ANKH: variants seen among roughly 807,000 people sequenced by gnomAD.
ANKH encodes mineralization regulator ANKH.
ANKH carries 15 observed loss-of-function variants against 49.0 expected under a neutral mutation model. The observed-to-expected ratio is 0.31, with a 90% CI of 0.20 to 0.47. ANKH has a LOEUF of 0.47. Ranked by LOEUF, ANKH falls within the 20% of genes least tolerant of loss-of-function variation. The pLI is 1.00. For missense variants in ANKH, 429 were observed against 652.0 expected (o/e 0.66, Z 3.72); for synonymous variants, 273 against 260.0 (o/e 1.05, Z -0.48).
chr5:14,756,377 G>C (rs153923), intron 3 of ANKH, among the ~76,000 whole-genome samples: 27,890 of 152,178 alleles, frequency 0.18, 2,744 homozygotes, highest in African/African-American at 0.23. Context: ...CTCACTGACT[G>C]ATTAGGGCCT....
chr5:14,754,147 G>A (rs1195060685), intron 4 of ANKH, among the ~76,000 whole-genome samples: 1 of 152,146 alleles, frequency 6.6e-6, no homozygotes, highest in Non-Finnish European at 1.5e-5. Flanking sequence ...CGGCTTCCAC[G>A]CTCCCACTAA....
At chr5:14,847,013 A>AAAAC (rs1259049866) in intron 1 of ANKH, among the ~76,000 whole-genome samples, 13 of 151,686 alleles carry the variant, frequency 8.6e-5, no homozygotes, top group Non-Finnish European at 1.6e-4. Flanking sequence ...CTCAAAAAAA[A>AAAAC]AAAAAAAAAC....
At chr5:14,742,112 A>G (rs555757662) in intron 7 of ANKH, among the ~76,000 whole-genome samples, 190 bp from the exon 8 acceptor site, 2 of 152,316 alleles carry the variant, frequency 1.3e-5, no homozygotes, top group Admixed American at 6.5e-5. Flanking sequence ...GTACAGGATC[A>G]TTAACCTGAG....
chr5:14,829,224 T>G (rs1187287056), intron 1 of ANKH, among the ~76,000 whole-genome samples: 3 of 147,516 alleles, frequency 2.0e-5, no homozygotes. Context: ...TTTCAAAGCA[T>G]GGACCTCTAC....
chr5:14,774,532 G>A (rs1384744873), intron 1 of ANKH, among the ~76,000 whole-genome samples: 1 of 151,996 alleles, frequency 6.6e-6, no homozygotes, highest in Non-Finnish European at 1.5e-5. Flanking sequence ...CCGCCTCCCA[G>A]GCTCAAGCAA....
intron 2 of ANKH, among the ~76,000 whole-genome samples, chr5:14,762,492 G>T (rs1040519620): frequency 2.0e-5 from 3 of 152,130 alleles, no homozygotes; most frequent in Non-Finnish European, 4.4e-5. Context: ...TTTTATTTCA[G>T]TCTCTTCCTC....
At chr5:14,728,262 G>A (rs73048837) in intron 8 of ANKH, among the ~76,000 whole-genome samples, 11,400 of 152,298 alleles carry the variant, frequency 0.075, 464 homozygotes, top group African/African-American at 0.1. Context: ...GGGACTGTGT[G>A]ACTTGCCCCA....
intron 8 of ANKH, among the ~76,000 whole-genome samples, chr5:14,736,510 G>A (rs1431502768): frequency 6.6e-6 from 1 of 152,118 alleles, no homozygotes; most frequent in African/African-American, 2.4e-5. Context: ...GGGTCCCAAG[G>A]GCTGGGAGGG....
chr5:14,807,388 T>C (rs1740740993), intron 1 of ANKH, among the ~76,000 whole-genome samples: 1 of 152,122 alleles, frequency 6.6e-6, no homozygotes, highest in African/African-American at 2.4e-5. Flanking sequence ...GTGCTGGGAT[T>C]ATAGGCATGA....
At chr5:14,853,844 TG>T (rs1320158883) in intron 1 of ANKH, among the ~76,000 whole-genome samples, 1 of 152,094 alleles carries the variant, frequency 6.6e-6, no homozygotes, top group African/African-American at 2.4e-5. Context: ...CCCTCTAAGG[TG>T]AGTCTACTCC....
intron 8 of ANKH, among the ~76,000 whole-genome samples, chr5:14,735,583 C>G (rs1256271614): frequency 6.6e-6 from 1 of 152,190 alleles, no homozygotes; most frequent in African/African-American, 2.4e-5. Context: ...GTTCTGGAGA[C>G]TGAAATCAAG....
Position 14,710,625 on chromosome 5 carries a change from C to T in ANKH, c.*572G>A, listed in dbSNP as rs547335637. Reference sequence around the variant, plus strand: ...CGTTCCTCAGTGTGAACGGGGACTCCGGGCTGCAGCGTGCCACCCGCCTCC... The same window carrying T: ...CGTTCCTCAGTGTGAACGGGGACTCTGGGCTGCAGCGTGCCACCCGCCTCC... On this transcript the variant is annotated 3_prime_UTR_variant, in exon 12 of 12. Coordinates refer to ENST00000284268, the MANE Select transcript of ANKH (RefSeq NM_054027.6). 78 of 161,174 alleles carry T rather than the reference C, an allele frequency of 4.8e-4. No homozygotes were observed. In the East Asian group the frequency reaches 7.8e-3, roughly 16 times the overall value. The allele number at this position is 161,174 out of a possible 1,614,324, so 10.0% of individuals were successfully genotyped here.
intron 1 of ANKH, among the ~76,000 whole-genome samples, chr5:14,826,367 T>A (rs1237544286): frequency 1.3e-5 from 2 of 152,220 alleles, no homozygotes; most frequent in Non-Finnish European, 2.9e-5. Context: ...CCAAATCTTG[T>A]CAGATTACAG....
chr5:14,711,982 A>G (rs1424496991), intron 11 of ANKH, among the ~76,000 whole-genome samples: 4 of 151,744 alleles, frequency 2.6e-5, no homozygotes, highest in African/African-American at 7.3e-5. Context: ...GATCCCACCA[A>G]CCCTTCATTG....
intron 1 of ANKH, among the ~76,000 whole-genome samples, chr5:14,831,317 T>C (rs10474705): frequency 0.12 from 18,073 of 152,192 alleles, 1,487 homozygotes; most frequent in East Asian, 0.44. Flanking sequence ...GCTACTTAGG[T>C]GAAAAACTGC....
At chr5:14,842,040 T>C (rs1272236172) in intron 1 of ANKH, among the ~76,000 whole-genome samples, 2 of 152,080 alleles carry the variant, frequency 1.3e-5, no homozygotes, top group Admixed American at 6.6e-5. Flanking sequence ...CTTGAGCAAT[T>C]TGTACCACAA....
chr5:14,717,484 T>C (rs1737514150), intron 8 of ANKH, among the ~76,000 whole-genome samples: 1 of 152,172 alleles, frequency 6.6e-6, no homozygotes. Context: ...TCTCCCCACC[T>C]CCCTTCCCCA....
intron 1 of ANKH, among the ~76,000 whole-genome samples, chr5:14,802,712 T>C (rs1455202008): frequency 1.3e-5 from 2 of 151,782 alleles, no homozygotes; most frequent in Non-Finnish European, 2.9e-5. Context: ...CCATTCTCCC[T>C]CCCACCTGCC....
intron 1 of ANKH, among the ~76,000 whole-genome samples, chr5:14,803,958 C>A (rs186559098): frequency 3.9e-5 from 6 of 152,100 alleles, no homozygotes; most frequent in Admixed American, 6.6e-5. Flanking sequence ...TGCAACGGCG[C>A]GGTATCTGCT....
Sources: allele counts gnomAD v4.1 joint callset (sites outside exome capture counted in the v4.1 genomes callset), GRCh38; gene constraint gnomAD v4.1.1; transcripts MANE v1.5; gene names NCBI Gene and HGNC (gene_info 2026-07-23, HGNC 2026-07-21).